Variants in MAPKAP1 observed in about 807,000 individuals in gnomAD.
The protein encoded by MAPKAP1 is target of rapamycin complex 2 subunit MAPKAP1.
A neutral mutation model predicts 65.7 loss-of-function variants in MAPKAP1; 20 were observed. The ratio of observed to expected loss-of-function variants is 0.30; its 90% confidence interval spans 0.21 to 0.44. The LOEUF is 0.44. Among genes scored for constraint, MAPKAP1 ranks in the 20% least tolerant of loss-of-function variants. The pLI, the probability that MAPKAP1 is intolerant of heterozygous loss-of-function variation, is 1.00. For synonymous variants in MAPKAP1, 222 were observed against 244.3 expected, an observed-to-expected ratio of 0.91 and a Z score of 0.85; for missense variants, 423 against 648.0, an observed-to-expected ratio of 0.65 and a Z score of 3.77.
intron 4 of MAPKAP1, among the ~76,000 whole-genome samples, chr9:125,609,704 T>G (rs1397205252): frequency 6.6e-6 from 1 of 152,188 alleles, no homozygotes; most frequent in Non-Finnish European, 1.5e-5. Context: ...CGTTTTTCTC[T>G]TTTTGGTAGT....
At chr9:125,686,444 C>A (rs1356642989) in intron 1 of MAPKAP1, among the ~76,000 whole-genome samples, 1 of 152,178 alleles carries the variant, frequency 6.6e-6, no homozygotes, top group East Asian at 1.9e-4. Context: ...CGGCCTTGGA[C>A]AAGTGACTTC....
At chr9:125,489,424 C>T (rs1055624982) in intron 8 of MAPKAP1, among the ~76,000 whole-genome samples, 4 of 152,130 alleles carry the variant, frequency 2.6e-5, no homozygotes, top group African/African-American at 9.7e-5. Context: ...CCACGGATTA[C>T]CATAATGTAT....
chr9:125,443,466 T>C (rs1852570561), intron 11 of MAPKAP1, among the ~76,000 whole-genome samples: 1 of 152,140 alleles, frequency 6.6e-6, no homozygotes, highest in Non-Finnish European at 1.5e-5. Flanking sequence ...AAGAAAGGAT[T>C]CTCTGCTTGG....
At chr9:125,517,905 T>C (rs1164200428) in intron 7 of MAPKAP1, among the ~76,000 whole-genome samples, 2 of 152,136 alleles carry the variant, frequency 1.3e-5, no homozygotes, top group Non-Finnish European at 2.9e-5. Flanking sequence ...TTTTGTCTAT[T>C]TGTCATTCCC....
At chr9:125,491,696 G>A (rs138882794) in intron 8 of MAPKAP1, among the ~76,000 whole-genome samples, 203 of 151,542 alleles carry the variant, frequency 1.3e-3, no homozygotes, top group South Asian at 4.6e-3. Context: ...TGGGAGGATC[G>A]CTTGAGCCTA....
At chr9:125,630,161 G>A (rs1416666996) in intron 4 of MAPKAP1, among the ~76,000 whole-genome samples, 6 of 151,970 alleles carry the variant, frequency 3.9e-5, no homozygotes, top group South Asian at 2.1e-4. Flanking sequence ...ACTCTCGCTC[G>A]GTCACCCAGG....
chr9:125,444,620 T>C (rs777285456), intron 10 of MAPKAP1, 22 bp from the exon 11 acceptor site: 3 of 1,573,410 alleles, frequency 1.9e-6, no homozygotes, highest in Non-Finnish European at 2.6e-6. Context: ...GAAAACTGTG[T>C]TGAGGGGTTC....
At chr9:125,664,750 A>G (rs1185889152) in intron 3 of MAPKAP1, among the ~76,000 whole-genome samples, 6 of 136,452 alleles carry the variant, frequency 4.4e-5, no homozygotes, top group Non-Finnish European at 9.8e-5. Flanking sequence ...AGGAAAAGAA[A>G]AAGAACGGAA....
chr9:125,600,023 A>G (rs1331888963), intron 4 of MAPKAP1: 2 of 152,218 alleles, frequency 1.3e-5, no homozygotes, highest in South Asian at 2.1e-4. Context: ...CAAACCCTCT[A>G]TATTTTGATG....
At chr9:125,555,180 T>C (rs1238777191) in intron 6 of MAPKAP1, among the ~76,000 whole-genome samples, 1 of 152,244 alleles carries the variant, frequency 6.6e-6, no homozygotes, top group African/African-American at 2.4e-5. Context: ...TTTGCATGTA[T>C]CTAAGTAGCA....
In MAPKAP1 at chr9:125,447,939, T is replaced by G. The variant is rs1398415003; in HGVS notation, c.1346-3341A>C. On this transcript the variant is annotated intron_variant, in intron 10 of 11. Transcript: ENST00000265960. The surrounding 1 kb of genome is among the most constrained non-coding windows in gnomAD (Gnocchi z 4.5). ...AAACATACAGGGTCTCCATGGGAGC[T>G]CTGGGCAAACCAGGGTCATGTGTGG... 6.6e-6 allele frequency among the ~76,000 whole-genome samples: 1 copy of G among 152,078 alleles called. No homozygotes were observed. The highest frequency in any genetic ancestry group is 1.5e-5 in the Non-Finnish European group (1 of 68,008).
chr9:125,584,043 A>T (rs933162200), intron 5 of MAPKAP1, among the ~76,000 whole-genome samples: 6 of 151,844 alleles, frequency 4.0e-5, no homozygotes, highest in Admixed American at 3.9e-4. Context: ...AGCCTGGGCG[A>T]CAGAGCAAGA....
At chr9:125,572,188 G>A (rs1312937523) in intron 5 of MAPKAP1, among the ~76,000 whole-genome samples, 3 of 152,198 alleles carry the variant, frequency 2.0e-5, no homozygotes, top group Admixed American at 1.3e-4. Context: ...TCTGACCTGT[G>A]ATAAGTAAAG....
intron 4 of MAPKAP1, among the ~76,000 whole-genome samples, chr9:125,606,226 T>C (rs1458317484): frequency 6.6e-6 from 1 of 151,224 alleles, no homozygotes; most frequent in African/African-American, 2.4e-5. Flanking sequence ...AAGAAGGGCA[T>C]AGGGAGGCGG....
intron 9 of MAPKAP1, among the ~76,000 whole-genome samples, chr9:125,474,781 T>G (rs1035302464): frequency 6.6e-6 from 1 of 152,246 alleles, no homozygotes; most frequent in African/African-American, 2.4e-5. Flanking sequence ...TATCATAAGC[T>G]GTGGTTCATT....
At chr9:125,566,587 AAAAAGAAAAAG>A (rs1264083441) in intron 5 of MAPKAP1, among the ~76,000 whole-genome samples, 2 of 146,674 alleles carry the variant, frequency 1.4e-5, no homozygotes, top group Non-Finnish European at 1.5e-5. Flanking sequence ...AAAGAAAAAG[AAAAAGAAAAAG>A]AAAAAAGACT....
intron 5 of MAPKAP1, among the ~76,000 whole-genome samples, chr9:125,580,634 T>C (rs999367911): frequency 2.0e-5 from 3 of 151,640 alleles, no homozygotes; most frequent in Non-Finnish European, 2.9e-5. Context: ...TGTATACATA[T>C]GTAACAAACC....
At chr9:125,676,825 A>T (rs904562915) in intron 1 of MAPKAP1, among the ~76,000 whole-genome samples, 1 of 152,180 alleles carries the variant, frequency 6.6e-6, no homozygotes. Flanking sequence ...AAGTTTTTTT[A>T]AAAAGTCTAG....
chr9:125,527,329 G>T (rs576822193), intron 7 of MAPKAP1, among the ~76,000 whole-genome samples: 1 of 152,074 alleles, frequency 6.6e-6, no homozygotes, highest in African/African-American at 2.4e-5. Flanking sequence ...GCCTCCCAAA[G>T]TGCTGGGATT....
Sources: gnomAD v4.1 joint callset for allele counts (sites outside exome capture counted in the v4.1 genomes callset) on GRCh38, gnomAD v4.1.1 for gene constraint, Gnocchi (gnomAD v3.1) non-coding constraint, MANE v1.5 for transcripts, NCBI Gene and HGNC (gene_info 2026-07-23, HGNC 2026-07-21) for gene names.